Variants in EPB41L5 observed in about 807,000 individuals in gnomAD.
The protein encoded by EPB41L5 is erythrocyte membrane protein band 4.1 like 5.
In EPB41L5, 55 loss-of-function variants were observed where a neutral mutation model predicts 106.6. The ratio of observed to expected loss-of-function variants is 0.52; its 90% CI spans 0.42 to 0.65. The LOEUF is 0.65. Ranked by LOEUF, EPB41L5 falls within the 30% of genes least tolerant of loss-of-function variation. EPB41L5 has a pLI of 0.00. For missense variants in EPB41L5, 871 were observed against 882.1 expected, an observed-to-expected ratio of 0.99 and a Z score of 0.16; for synonymous variants, 297 against 306.7, an observed-to-expected ratio of 0.97 and a Z score of 0.33.
At chr2:120,166,596 C>T (rs944241087) in intron 22 of EPB41L5, among the ~76,000 whole-genome samples, 3 of 152,100 alleles carry the variant, frequency 2.0e-5, no homozygotes, top group African/African-American at 7.2e-5. Flanking sequence ...TGCCACCATG[C>T]CCAGCTAATT....
Position 120,118,326 on chromosome 2 carries a change from C to T in EPB41L5, c.1338-9362C>T, listed in dbSNP as rs2105442159. The stretch of plus-strand genomic sequence containing the variant: ...AATAAAATTGTACCCCCGTCTCAGA[C>T]CTAAATTTATTTATTTATTTATTTT... On this transcript the variant is annotated intron_variant, in intron 16 of 24. Coordinates refer to ENST00000263713, the MANE Select transcript of EPB41L5 (RefSeq NM_020909.4). 2.0e-5 allele frequency among the ~76,000 whole-genome samples: 3 copies of T among 152,264 alleles called. 1 individual carries two copies. The South Asian group carries it at 6.2e-4, about 32-fold the overall frequency.
chr2:120,128,086 C>A, intron 17 of EPB41L5: 1 of 302,958 alleles, frequency 3.3e-6, no homozygotes, highest in Non-Finnish European at 5.9e-6. Context: ...ATTTAAGAGT[C>A]TTCAAACTTG....
chr2:120,155,790 A>AT (rs1196321089), intron 20 of EPB41L5, among the ~76,000 whole-genome samples: 5 of 150,756 alleles, frequency 3.3e-5, no homozygotes, highest in Admixed American at 1.3e-4. Flanking sequence ...TCCTCTAGTG[A>AT]TTTTTTTATT....
intron 7 of EPB41L5, among the ~76,000 whole-genome samples, chr2:120,076,435 G>T (rs1001021225): frequency 6.7e-6 from 1 of 149,492 alleles, no homozygotes; most frequent in African/African-American, 2.5e-5. Context: ...TGAGTAGCTG[G>T]GTCTACAGGC....
chr2:120,142,593 T>TTTACTAAA (rs1191008706), intron 18 of EPB41L5, among the ~76,000 whole-genome samples: 3 of 152,132 alleles, frequency 2.0e-5, no homozygotes, highest in Non-Finnish European at 4.4e-5. Flanking sequence ...TTAGTAAATA[T>TTTACTAAA]TAGTAAATAG....
chr2:120,123,583 C>G (rs191757012), intron 16 of EPB41L5, among the ~76,000 whole-genome samples: 9 of 151,796 alleles, frequency 5.9e-5, no homozygotes, highest in African/African-American at 2.2e-4. Context: ...AACAATTTCC[C>G]CTTTCCCCAT....
chr2:120,066,217 T>A (rs556620664), intron 3 of EPB41L5, among the ~76,000 whole-genome samples: 138 of 152,262 alleles, frequency 9.1e-4, no homozygotes, highest in African/African-American at 3.3e-3. Context: ...AAGTAATATG[T>A]GTTCATTGTG....
chr2:120,075,527 A>G lies in EPB41L5; in HGVS notation c.452+7A>G, dbSNP rs1558850467. The stretch of plus-strand genomic sequence containing the variant: ...AAGATATTCTCAGTGGAAAGTGAGT[A>G]TTAGTTATTTAAGGATAAATGCACA... On this transcript the variant is annotated splice_region_variant and intron_variant, in intron 6 of 24. Coordinates refer to ENST00000263713, the MANE Select transcript of EPB41L5 (RefSeq NM_020909.4). The G allele has an allele frequency of 1.9e-6, 3 of 1,544,058 alleles. No homozygotes were observed. Among genetic ancestry groups the G allele is most frequent in the Non-Finnish European group, 2.7e-6 (3 of 1,118,782 alleles).
chr2:120,174,468 GAAAA>G (rs36027189), intron 24 of EPB41L5, among the ~76,000 whole-genome samples: 1 of 147,346 alleles, frequency 6.8e-6, no homozygotes, highest in Non-Finnish European at 1.5e-5. Flanking sequence ...CCGTCTCACA[GAAAA>G]AAAAAAAGGA....
chr2:120,130,519 A>C (rs925601350), intron 17 of EPB41L5, among the ~76,000 whole-genome samples: 1 of 152,254 alleles, frequency 6.6e-6, no homozygotes, highest in African/African-American at 2.4e-5. Flanking sequence ...GTTTAACAAC[A>C]ACAAAAAGAG....
chr2:120,135,407 C>G (rs12465571), intron 18 of EPB41L5, among the ~76,000 whole-genome samples: 96,694 of 151,922 alleles, frequency 0.64, 32,103 homozygotes, highest in Middle Eastern at 0.74. Context: ...TGTCCCAAAC[C>G]TAGAGAAAGA....
intron 16 of EPB41L5, among the ~76,000 whole-genome samples, chr2:120,107,371 T>G (rs1047291647): frequency 6.6e-6 from 1 of 152,212 alleles, no homozygotes; most frequent in Admixed American, 6.5e-5. Flanking sequence ...TTAGGACTTA[T>G]GGATTTGCTA....
chr2:120,092,266 T>G (rs918867374), intron 13 of EPB41L5, among the ~76,000 whole-genome samples: 8 of 152,076 alleles, frequency 5.3e-5, no homozygotes, highest in African/African-American at 1.7e-4. Context: ...TGACCTCAAG[T>G]GATCCACCCA....
intron 3 of EPB41L5, among the ~76,000 whole-genome samples, chr2:120,064,265 A>G (rs771799514): frequency 1.3e-5 from 2 of 152,258 alleles, no homozygotes; most frequent in Non-Finnish European, 2.9e-5. Context: ...ACCTCTACTC[A>G]CAGAAGTATC....
chr2:120,164,731 C>A, intron 21 of EPB41L5, 105 bp from the exon 22 acceptor site: 2 of 698,216 alleles, frequency 2.9e-6, no homozygotes, highest in Admixed American at 2.8e-5. Flanking sequence ...AGGATTAACA[C>A]TAATCAGGCC....
rs1679440140 is a variant in EPB41L5 at position 120,042,061 on chromosome 2, T to C, written c.236T>C (p.Ile79Thr). The change falls in exon 3 of 25, where the codon ATT becomes ACT. Residue 79 changes from isoleucine (I) to threonine (T), a missense_variant. By Grantham distance (89) the Ile-to-Thr change is moderately conservative (BLOSUM62 -1). Transcript: ENST00000263713. ...FDQIMYHLDL[I>T]ESDYFGLRFM... ...CAGATTATGTACCACCTGGACCTGA[T>C]TGAAAGCGACTATTTTGGTCTGAGA... 1.2e-6 allele frequency: 2 copies of C among 1,613,610 alleles called. No homozygotes were observed. The highest frequency in any genetic ancestry group is 1.7e-5 in the Admixed American group (1 of 59,992).
intron 10 of EPB41L5, among the ~76,000 whole-genome samples, chr2:120,083,468 C>T (rs1682830142): frequency 6.6e-6 from 1 of 152,106 alleles, no homozygotes; most frequent in Non-Finnish European, 1.5e-5. Flanking sequence ...GTCTGAGAGA[C>T]AGTTTGTTAT....
At chr2:120,075,651 A>T in intron 6 of EPB41L5, 50 bp from the exon 7 acceptor site, 1 of 1,504,034 alleles carries the variant, frequency 6.6e-7, no homozygotes, top group South Asian at 1.1e-5. Flanking sequence ...TTGTCTTAAA[A>T]TGAAGGTTAT....
intron 3 of EPB41L5, among the ~76,000 whole-genome samples, chr2:120,063,324 A>G (rs564577911): frequency 1.5e-4 from 22 of 149,990 alleles, no homozygotes; most frequent in Middle Eastern, 3.4e-3. Context: ...CCTGGGCAAC[A>G]GAGAAGACTT....
Sources: gnomAD v4.1 joint callset for allele counts (sites outside exome capture counted in the v4.1 genomes callset) on GRCh38, gnomAD v4.1.1 for gene constraint, MANE v1.5 for transcripts, NCBI Gene and HGNC (gene_info 2026-07-23, HGNC 2026-07-21) for gene names.